The following KMT2C variants were observed in gnomAD, a reference collection of about 807,000 sequenced individuals.
KMT2C encodes lysine methyltransferase 2C.
A neutral mutation model predicts 507.9 loss-of-function variants in KMT2C; 88 were observed. The ratio of observed to expected loss-of-function variants is 0.17; its 90% CI spans 0.15 to 0.21. The LOEUF (loss-of-function observed/expected upper bound fraction) is 0.21. Among genes scored for constraint, KMT2C ranks in the 10% least tolerant of loss-of-function variants. The pLI is 1.00. For missense variants in KMT2C, 4,954 were observed against 5,957.8 expected, an observed-to-expected ratio of 0.83 and a Z score of 5.55; for synonymous variants, 2,049 against 2,080.8, an observed-to-expected ratio of 0.98 and a Z score of 0.42.
In KMT2C at chr7:152,148,174, G is replaced by A. The variant is rs1459688400; in HGVS notation, c.13753C>T (p.Leu4585=). The change falls in exon 52 of 59, where the codon CTG becomes TTG. Residue 4585 remains leucine (L), a synonymous_variant. Coordinates refer to ENST00000262189, the MANE Select transcript of KMT2C (RefSeq NM_170606.3). The surrounding 1 kb of genome is among the most constrained non-coding windows in gnomAD (Gnocchi z 7.1). ...LFPVGYEASR[L]YWSTRYANRR... ...TTGGCATAGCGAGTGCTCCAGTACAGCCGGCTGGCTTCATAGCCCACAGGG... is the reference window on the plus strand; with the variant it reads ...TTGGCATAGCGAGTGCTCCAGTACAACCGGCTGGCTTCATAGCCCACAGGG... 1 of 1,614,080 alleles carries A rather than the reference G, an allele frequency of 6.2e-7. No homozygotes were observed. Among genetic ancestry groups the A allele is most frequent in the Admixed American group, 1.7e-5 (1 of 60,012 alleles).
At chr7:152,292,605 C>G (rs1416052936) in intron 6 of KMT2C, among the ~76,000 whole-genome samples, 1 of 152,092 alleles carries the variant, frequency 6.6e-6, no homozygotes, top group Non-Finnish European at 1.5e-5. Context: ...AGGTAAAAAA[C>G]ATTTTTAGCT....
At chr7:152,314,998 T>C in intron 4 of KMT2C, 140 bp downstream of exon 4, 1 of 672,446 alleles carries the variant, frequency 1.5e-6, no homozygotes, top group Non-Finnish European at 2.5e-6. Context: ...TAATGGTGAG[T>C]CAGAGTATCC....
At chr7:152,394,066 T>G (rs1410084666) in intron 1 of KMT2C, among the ~76,000 whole-genome samples, 1 of 152,256 alleles carries the variant, frequency 6.6e-6, no homozygotes, top group Non-Finnish European at 1.5e-5. Context: ...AACAAATCTT[T>G]TCGGCTCTGC....
intron 51 of KMT2C, among the ~76,000 whole-genome samples, chr7:152,150,293 G>A (rs2091499039): frequency 6.6e-6 from 1 of 152,102 alleles, no homozygotes; most frequent in African/African-American, 2.4e-5. Context: ...TTTCCTATTG[G>A]GGTAACATCA....
intron 55 of KMT2C, among the ~76,000 whole-genome samples, chr7:152,142,001 G>A (rs59925177): frequency 0.09 from 13,723 of 152,210 alleles, 1,284 homozygotes; most frequent in African/African-American, 0.23. Flanking sequence ...CAGCCTGGGC[G>A]ACACAGTGAG....
intron 1 of KMT2C, among the ~76,000 whole-genome samples, chr7:152,431,770 A>C (rs1237045791): frequency 2.6e-5 from 4 of 152,178 alleles, no homozygotes; most frequent in Admixed American, 6.5e-5. Context: ...ATAATATCAA[A>C]AATTTTATCA....
At chr7:152,240,947 T>C (rs916530508) in intron 14 of KMT2C, among the ~76,000 whole-genome samples, 5 of 152,166 alleles carry the variant, frequency 3.3e-5, no homozygotes, top group Non-Finnish European at 5.9e-5. Flanking sequence ...TTTTCAAAAG[T>C]ACAAATGTGA....
chr7:152,180,995 G>A lies in KMT2C; in HGVS notation c.6865C>T (p.Arg2289Cys), dbSNP rs764025360. 3.7e-5 allele frequency: 60 copies of A among 1,614,038 alleles called. 1 individual carries two copies. The highest frequency in any genetic ancestry group is 5.5e-5 in the South Asian group (5 of 91,084). Residue 2289 changes from arginine to cysteine, a missense_variant, in exon 36 of 59, where the codon CGT (arginine) becomes TGT (cysteine). By Grantham distance (180) the Arg-to-Cys change is radical. This residue lies in a region of KMT2C where 1,689 missense variants were observed against 1,654.3 expected (regional missense o/e 1.02). Coordinates refer to ENST00000262189, the MANE Select transcript of KMT2C (RefSeq NM_170606.3). ...TCACGGGCAGCAGATGGGGAAACAC[G>A]GCTAAATGTGTCTGAAAGACCAGGT... is the stretch of plus-strand genomic sequence containing the variant. The part of the protein sequence containing the change: ...PGPGLSDTFS[R>C]VSPSAARDPY...
At chr7:152,137,203 C>A in intron 58 of KMT2C, 1 of 325,378 alleles carries the variant, frequency 3.1e-6, no homozygotes, top group Non-Finnish European at 5.8e-6. Context: ...TAATGCTGTC[C>A]CTGCAAGTGG....
intron 24 of KMT2C, among the ~76,000 whole-genome samples, chr7:152,205,662 G>A (rs548119607): frequency 1.3e-5 from 2 of 152,246 alleles, no homozygotes; most frequent in South Asian, 4.1e-4. Context: ...ACCACATACA[G>A]ACATCACCGT....
chr7:152,278,619 G>A (rs2096135747), intron 6 of KMT2C, among the ~76,000 whole-genome samples: 1 of 131,860 alleles, frequency 7.6e-6, no homozygotes, highest in African/African-American at 2.8e-5. Flanking sequence ...AATGCACAGT[G>A]ACATACACAA....
intron 6 of KMT2C, among the ~76,000 whole-genome samples, chr7:152,280,917 T>C (rs1344474239): frequency 6.6e-6 from 1 of 152,140 alleles, no homozygotes; most frequent in Non-Finnish European, 1.5e-5. Context: ...ATGTAAATAT[T>C]TTAAACTCTG....
At chr7:152,208,024 GACTC>G (rs1460364590) in intron 23 of KMT2C, among the ~76,000 whole-genome samples, 2 of 152,060 alleles carry the variant, frequency 1.3e-5, no homozygotes, top group Non-Finnish European at 2.9e-5. Context: ...AACCTCAGAT[GACTC>G]ACTATTAATA....
intron 9 of KMT2C, 45 bp from the exon 10 acceptor site, chr7:152,252,760 T>G: frequency 1.4e-6 from 2 of 1,394,450 alleles, no homozygotes; most frequent in Non-Finnish European, 2.0e-6. Flanking sequence ...TGTTATGCAT[T>G]TGTAATTGTA....
At chr7:152,301,221 T>C (rs1343255897) in intron 6 of KMT2C, among the ~76,000 whole-genome samples, 2 of 146,732 alleles carry the variant, frequency 1.4e-5, no homozygotes, top group East Asian at 4.0e-4. Context: ...AAAAGAAAAG[T>C]TGGCCGGGTG....
chr7:152,162,873 G>A lies in KMT2C; in HGVS notation c.10704C>T (p.Leu3568=), dbSNP rs1296325875. 6.2e-7 allele frequency: 1 copy of A among 1,614,208 alleles called. No individual in the cohort carries two copies. Among genetic ancestry groups the A allele is most frequent in the African/African-American group, 1.3e-5 (1 of 75,050 alleles). ...TTATAGTAGAATCTTGGCCACATGG[G>A]AGACTGCTATTAGCTACTGGAGGTG... is the stretch of plus-strand genomic sequence containing the variant. ...PAAPPVANSS[L]PCGQDSTITH... Residue 3568 remains leucine (L), a synonymous_variant, in exon 43 of 59, where the codon CTC becomes CTT. Transcript: ENST00000262189.
chr7:152,342,106 G>A (rs1376926825), intron 2 of KMT2C, among the ~76,000 whole-genome samples: 1 of 152,084 alleles, frequency 6.6e-6, no homozygotes, highest in Non-Finnish European at 1.5e-5. Flanking sequence ...TCTTGTCTAT[G>A]TCAATTAAAT....
intron 1 of KMT2C, chr7:152,368,437 A>AT (rs2097265076): frequency 1.7e-6 from 2 of 1,162,806 alleles, no homozygotes; most frequent in Non-Finnish European, 2.5e-6. Context: ...GGTGTTAGAG[A>AT]TGAAGGTCAA....
intron 6 of KMT2C, among the ~76,000 whole-genome samples, chr7:152,287,695 C>G (rs1358257500): frequency 6.6e-6 from 1 of 152,124 alleles, no homozygotes; most frequent in Non-Finnish European, 1.5e-5. Flanking sequence ...TCATAATTAT[C>G]TATCAAAGAT....
Sources: allele counts gnomAD v4.1 joint callset (sites outside exome capture counted in the v4.1 genomes callset), GRCh38; gene constraint gnomAD v4.1.1; regional missense constraint gnomAD v4.1.1; non-coding constraint Gnocchi (gnomAD v3.1); transcripts MANE v1.5; gene names NCBI Gene and HGNC (gene_info 2026-07-23, HGNC 2026-07-21).